The following CCDC178 variants were observed in gnomAD, a reference collection of about 807,000 sequenced individuals.
CCDC178 encodes the protein coiled-coil domain-containing protein 178.
CCDC178 carries 126 observed loss-of-function variants against 117.4 expected under a neutral mutation model. That is an observed-to-expected ratio of 1.07 (90% CI 0.93 to 1.24). The LOEUF is 1.24. CCDC178 is among the 50% of genes most tolerant of loss of function. The pLI is 0.00. For synonymous variants in CCDC178, 283 were observed against 313.4 expected (o/e 0.90, Z 1.02); for missense variants, 1,030 against 986.9 (o/e 1.04, Z -0.59).
intron 22 of CCDC178, among the ~76,000 whole-genome samples, chr18:32,967,875 TTTGA>T (rs1003865868): frequency 2.6e-5 from 4 of 151,636 alleles, no homozygotes; most frequent in African/African-American, 9.7e-5. Context: ...TTTTTAATTT[TTTGA>T]TTGATCCATT....
At chr18:33,044,314 T>C (rs2056603858) in intron 21 of CCDC178, among the ~76,000 whole-genome samples, 1 of 152,032 alleles carries the variant, frequency 6.6e-6, no homozygotes, top group Admixed American at 6.6e-5. Context: ...AAAATGACGA[T>C]ACTGCCCAAA....
chr18:33,002,465 A>T (rs1475608633), intron 21 of CCDC178, among the ~76,000 whole-genome samples: 1 of 152,072 alleles, frequency 6.6e-6, no homozygotes, highest in Non-Finnish European at 1.5e-5. Context: ...TAAGAAGAAA[A>T]TTTAAAATTT....
At chr18:33,236,457 C>T (rs2059427757) in intron 15 of CCDC178, among the ~76,000 whole-genome samples, 1 of 152,140 alleles carries the variant, frequency 6.6e-6, no homozygotes, top group South Asian at 2.1e-4. Context: ...TATTCAGGCT[C>T]AGAAATTAGC....
chr18:33,296,648 C>T (rs978412600), intron 11 of CCDC178, among the ~76,000 whole-genome samples: 1 of 152,024 alleles, frequency 6.6e-6, no homozygotes, highest in Admixed American at 6.6e-5. Context: ...TGAGATAAGA[C>T]ACATAAAAAA....
chr18:32,949,436 ATTTC>A (rs1200415443), intron 22 of CCDC178, among the ~76,000 whole-genome samples: 1 of 151,956 alleles, frequency 6.6e-6, no homozygotes, highest in Non-Finnish European at 1.5e-5. Context: ...TTTTAAAACT[ATTTC>A]TTTCTTTCAT....
chr18:33,001,834 A>G (rs1263049582), intron 21 of CCDC178, among the ~76,000 whole-genome samples: 1 of 152,212 alleles, frequency 6.6e-6, no homozygotes, highest in Non-Finnish European at 1.5e-5. Context: ...AAGGGATGGA[A>G]AAAGATACTC....
intron 2 of CCDC178, among the ~76,000 whole-genome samples, chr18:33,433,125 A>G (rs983787376): frequency 3.3e-5 from 5 of 152,168 alleles, no homozygotes; most frequent in Non-Finnish European, 7.3e-5. Context: ...GGATAACGTG[A>G]GGGGAGTATT....
intron 20 of CCDC178, among the ~76,000 whole-genome samples, chr18:33,146,933 C>T (rs1368086950): frequency 1.3e-5 from 2 of 152,100 alleles, no homozygotes; most frequent in East Asian, 3.9e-4. Context: ...TTATTTCAGC[C>T]TTACAGTCCT....
At chr18:33,139,866 A>G (rs1010411009) in intron 20 of CCDC178, among the ~76,000 whole-genome samples, 1 of 152,104 alleles carries the variant, frequency 6.6e-6, no homozygotes, top group Non-Finnish European at 1.5e-5. Flanking sequence ...TCTCCAGGGC[A>G]TGTCTCCAGG....
At chr18:33,030,935 C>T (rs2056330180) in intron 21 of CCDC178, among the ~76,000 whole-genome samples, 1 of 152,102 alleles carries the variant, frequency 6.6e-6, no homozygotes, top group Admixed American at 6.6e-5. Flanking sequence ...GCCTGAAGGC[C>T]TCAGAACTAG....
At chr18:33,127,199 T>C (rs1219126954) in intron 20 of CCDC178, among the ~76,000 whole-genome samples, 2 of 152,066 alleles carry the variant, frequency 1.3e-5, no homozygotes, top group East Asian at 3.9e-4. Flanking sequence ...AATATAAACT[T>C]TCTGATATTT....
intron 21 of CCDC178, among the ~76,000 whole-genome samples, chr18:32,978,863 C>CCTGT: frequency 6.6e-6 from 1 of 152,000 alleles, no homozygotes; most frequent in Middle Eastern, 3.4e-3. Flanking sequence ...ATGGTGAAAC[C>CCTGT]CTGTCTTTAC....
At chr18:33,185,414 C>T (rs775427711) in intron 20 of CCDC178, among the ~76,000 whole-genome samples, 14 of 152,098 alleles carry the variant, frequency 9.2e-5, no homozygotes, top group Admixed American at 2.6e-4. Context: ...TGCTTTAAAT[C>T]TTTGCAAACA....
chr18:33,244,417 T>C (rs112929669), intron 15 of CCDC178, among the ~76,000 whole-genome samples: 10,167 of 151,884 alleles, frequency 0.067, 509 homozygotes, highest in African/African-American at 0.14. Context: ...TGAATTGTAA[T>C]AATCCCCACA....
chr18:33,393,347 TTAG>T (rs2063587716), intron 4 of CCDC178, among the ~76,000 whole-genome samples: 1 of 152,192 alleles, frequency 6.6e-6, no homozygotes, highest in African/African-American at 2.4e-5. Flanking sequence ...TTTAATGGTT[TTAG>T]AGTAAAACAA....
chr18:33,239,459 A>G (rs1458301842), intron 15 of CCDC178, among the ~76,000 whole-genome samples: 1 of 151,776 alleles, frequency 6.6e-6, no homozygotes, highest in Non-Finnish European at 1.5e-5. Context: ...CAGGAAACTT[A>G]CTTCATTAAC....
intron 22 of CCDC178, among the ~76,000 whole-genome samples, chr18:32,965,494 T>C (rs2144671272): frequency 6.6e-6 from 1 of 152,072 alleles, no homozygotes; most frequent in African/African-American, 2.4e-5. Context: ...TAGATATATG[T>C]GTGTTTATTT....
chr18:33,089,181 T>C (rs887632265), intron 21 of CCDC178, among the ~76,000 whole-genome samples: 12 of 152,124 alleles, frequency 7.9e-5, no homozygotes, highest in Admixed American at 5.2e-4. Flanking sequence ...GCACTAGAGA[T>C]ATCATATATA....
At chr18:32,996,968 A>G (rs531820972) in intron 21 of CCDC178, among the ~76,000 whole-genome samples, 17 of 152,350 alleles carry the variant, frequency 1.1e-4, no homozygotes, top group Non-Finnish European at 2.1e-4. Context: ...AGAATAACCA[A>G]TTCTATTAAT....
Sources: allele counts gnomAD v4.1 joint callset (sites outside exome capture counted in the v4.1 genomes callset), GRCh38; gene constraint gnomAD v4.1.1; transcripts MANE v1.5; gene names NCBI Gene and HGNC (gene_info 2026-07-23, HGNC 2026-07-21).